ABI2: variants seen among roughly 807,000 people sequenced by gnomAD.
ABI2 encodes abelson interactor 2.
A neutral mutation model predicts 59.2 loss-of-function variants in ABI2; 25 were observed. That is an observed-to-expected ratio of 0.42 (90% confidence interval 0.31 to 0.59). The LOEUF (loss-of-function observed/expected upper bound fraction) is 0.59, where lower values mean the gene tolerates loss of function less well. Among genes scored for constraint, ABI2 ranks in the 20% least tolerant of loss-of-function variants. The pLI is 0.14. For synonymous variants in ABI2, 213 were observed against 235.5 expected, an observed-to-expected ratio of 0.90 and a Z score of 0.87; for missense variants, 545 against 681.8, an observed-to-expected ratio of 0.80 and a Z score of 2.23.
intron 11 of ABI2, among the ~76,000 whole-genome samples, chr2:203,421,937 G>A (rs1251313648): frequency 7.2e-6 from 1 of 138,924 alleles, no homozygotes; most frequent in Non-Finnish European, 1.5e-5. Flanking sequence ...CCGCACTCCA[G>A]CCTGGCAACA....
chr2:203,356,569 C>T (rs934822173), intron 1 of ABI2, among the ~76,000 whole-genome samples: 1 of 152,014 alleles, frequency 6.6e-6, no homozygotes, highest in Non-Finnish European at 1.5e-5. Flanking sequence ...GGAATCTCAC[C>T]ATGTTACCCA....
At chr2:203,398,917 T>G (rs1293915383) in intron 8 of ABI2, among the ~76,000 whole-genome samples, 1 of 152,218 alleles carries the variant, frequency 6.6e-6, no homozygotes, top group Admixed American at 6.5e-5. Context: ...TTGTATTGTA[T>G]GGGGATGTAC....
intron 11 of ABI2, among the ~76,000 whole-genome samples, chr2:203,424,894 GA>G (rs1421106945): frequency 4.6e-5 from 7 of 151,940 alleles, no homozygotes; most frequent in Non-Finnish European, 1.0e-4. Flanking sequence ...TTTGTTTTGA[GA>G]CAGTCTCACT....
intron 1 of ABI2, among the ~76,000 whole-genome samples, chr2:203,359,650 T>G (rs532346048): frequency 2.0e-5 from 3 of 152,128 alleles, no homozygotes; most frequent in Admixed American, 6.6e-5. Context: ...GCAGATTTGG[T>G]GTCTGTTGAT....
intron 8 of ABI2, among the ~76,000 whole-genome samples, chr2:203,397,839 GGC>G (rs1044287200): frequency 4.7e-4 from 71 of 152,282 alleles, no homozygotes; most frequent in African/African-American, 1.6e-3. Context: ...AAGAGGACAA[GGC>G]GGGAGGTGCT....
chr2:203,418,492 G>A (rs1016127037), intron 11 of ABI2, among the ~76,000 whole-genome samples: 1 of 152,206 alleles, frequency 6.6e-6, no homozygotes, highest in Non-Finnish European at 1.5e-5. Flanking sequence ...TTGGCCTGAC[G>A]GCCTCGGCTT....
At position 203,395,660 on chromosome 2, in the gene ABI2, A is replaced by G; in HGVS notation, c.730A>G (p.Ser244Gly). 6.2e-7 allele frequency: 1 copy of G among 1,609,456 alleles called. No homozygotes were observed. Among genetic ancestry groups the G allele is most frequent in the Non-Finnish European group, 8.5e-7 (1 of 1,177,918 alleles). The change falls in exon 7 of 12, where the codon AGT becomes GGT. Residue 244 changes from serine to glycine, a missense_variant. Around this residue, in one of 4 missense-constraint regions of ABI2, gnomAD observed 410 missense variants for 435.6 expected, o/e 0.94. Coordinates refer to ENST00000261018, the MANE Select transcript of ABI2 (RefSeq NM_001375670.1). ...TGGTGGCTCTTATTTCTTTAGCAGC[A>G]GTGGGAGTAGTGGAGGGAGCCACCC... ...VNQRNRTYSS[S>G]GSSGGSHPSS...
intron 2 of ABI2, 162 bp downstream of exon 2, chr2:203,367,206 G>C (rs989241706): frequency 1.0e-6 from 1 of 981,120 alleles, no homozygotes; most frequent in Non-Finnish European, 1.3e-6. Flanking sequence ...TCTTTTTGTG[G>C]GATGGTTATC....
intron 2 of ABI2, 107 bp from the exon 3 acceptor site, chr2:203,380,101 G>A: frequency 1.4e-6 from 1 of 692,712 alleles, no homozygotes; most frequent in Non-Finnish European, 2.2e-6. Flanking sequence ...AGCAAGCATA[G>A]TTTAGAATAT....
intron 2 of ABI2, among the ~76,000 whole-genome samples, chr2:203,368,426 C>T (rs2094706790): frequency 6.6e-6 from 1 of 151,886 alleles, no homozygotes; most frequent in Non-Finnish European, 1.5e-5. Context: ...TTTAAATGTG[C>T]ATATTATTAT....
At chr2:203,408,829 C>CTTTCTTTTTTT (rs2097537381) in intron 9 of ABI2, among the ~76,000 whole-genome samples, 1 of 69,232 alleles carries the variant, frequency 1.4e-5, no homozygotes, top group Non-Finnish European at 4.1e-5. Context: ...CTACCTTCTC[C>CTTTCTTTTTTT]TTTCTTTTTT....
At chr2:203,350,558 A>C (rs539287761) in intron 1 of ABI2, among the ~76,000 whole-genome samples, 3 of 145,144 alleles carry the variant, frequency 2.1e-5, no homozygotes, top group African/African-American at 7.6e-5. Context: ...TTTTTTTTTA[A>C]AGTTGAAGTC....
At chr2:203,340,628 G>T (rs2079296751) in intron 1 of ABI2, among the ~76,000 whole-genome samples, 1 of 152,014 alleles carries the variant, frequency 6.6e-6, no homozygotes, top group Non-Finnish European at 1.5e-5. Flanking sequence ...AAAGTGCTGG[G>T]ATTACAGGTG....
At chr2:203,413,027 TTGAATAATACCC>T (rs1406119841) in intron 10 of ABI2, among the ~76,000 whole-genome samples, 1 of 152,234 alleles carries the variant, frequency 6.6e-6, no homozygotes, top group Non-Finnish European at 1.5e-5. Flanking sequence ...TGGTAGTCAC[TTGAATAATACCC>T]TGGGAGTTTT....
chr2:203,399,851 C>T (rs1007828901), intron 8 of ABI2, among the ~76,000 whole-genome samples: 6 of 152,132 alleles, frequency 3.9e-5, no homozygotes, highest in Non-Finnish European at 8.8e-5. Context: ...TTTCAAATAG[C>T]AGAAATTCTT....
At chr2:203,410,542 A>T (rs1337407388) in intron 9 of ABI2, among the ~76,000 whole-genome samples, 1 of 152,166 alleles carries the variant, frequency 6.6e-6, no homozygotes, top group African/African-American at 2.4e-5. Context: ...AGGGAAATAC[A>T]CCTTGGGAAG....
rs2097011881 is a variant in ABI2 at position 203,396,795 on chromosome 2, C to T, written c.861C>T (p.Gly287=). Residue 287 remains glycine (G), a synonymous_variant, in exon 8 of 12, where the codon GGC becomes GGT. Transcript: ENST00000261018. ...SPPSVFPAPA[G]SAGTPPLPAT... is the part of the protein sequence containing the mutation. Reference sequence around the variant, plus strand: ...CCTCTTTCCCCTCAGCCCCTGCTGGCTCTGCTGGCACTCCTCCCCTTCCTG... The same window carrying T: ...CCTCTTTCCCCTCAGCCCCTGCTGGTTCTGCTGGCACTCCTCCCCTTCCTG... 6.5e-7 allele frequency: 1 copy of T among 1,530,164 alleles called. No individual in the cohort carries two copies. Among genetic ancestry groups the T allele is most frequent in the Non-Finnish European group, 8.7e-7 (1 of 1,144,664 alleles). 94.8% of individuals were successfully genotyped at this position (1,530,164 alleles called of 1,614,324 possible).
chr2:203,352,885 T>C (rs553774075), intron 1 of ABI2, among the ~76,000 whole-genome samples: 2 of 152,248 alleles, frequency 1.3e-5, no homozygotes, highest in Non-Finnish European at 2.9e-5. Context: ...GTGTTGTTAC[T>C]GTACCTTCTC....
chr2:203,417,511 A>G lies in ABI2; in HGVS notation c.1453+430A>G, dbSNP rs72940179. Among the ~76,000 whole-genome samples, 136 of 152,342 alleles carry G rather than the reference A, an allele frequency of 8.9e-4. 1 individual carries two copies. The highest frequency in any genetic ancestry group is 6.8e-3 in the Middle Eastern group (2 of 294). On this transcript the variant is annotated intron_variant, in intron 11 of 11. Coordinates refer to ENST00000261018, the MANE Select transcript of ABI2 (RefSeq NM_001375670.1). Reference sequence around the variant, plus strand: ...GGTTTCTCAGTTTCTTTGCCAAGTAATATTGGGCATTTCTTTTAGTGAAAA... The same window carrying G: ...GGTTTCTCAGTTTCTTTGCCAAGTAGTATTGGGCATTTCTTTTAGTGAAAA...
Sources: allele counts gnomAD v4.1 joint callset (sites outside exome capture counted in the v4.1 genomes callset), GRCh38; gene constraint gnomAD v4.1.1; regional missense constraint gnomAD v4.1.1; transcripts MANE v1.5; gene names NCBI Gene and HGNC (gene_info 2026-07-23, HGNC 2026-07-21).